PRKG1: variants seen among roughly 807,000 people sequenced by gnomAD.
The protein encoded by PRKG1 is cGMP-dependent protein kinase 1.
Under a neutral mutation model 88.1 loss-of-function variants are expected in PRKG1, and 35 were observed. The ratio of observed to expected loss-of-function variants is 0.40; its 90% CI spans 0.30 to 0.53. The LOEUF is 0.53. Ranked by LOEUF, PRKG1 falls within the 20% of genes least tolerant of loss-of-function variation. The pLI, the probability that PRKG1 is intolerant of heterozygous loss-of-function variation, is 0.59. For synonymous variants in PRKG1, 303 were observed against 292.5 expected, an observed-to-expected ratio of 1.04 and a Z score of -0.37; for missense variants, 540 against 839.8, an observed-to-expected ratio of 0.64 and a Z score of 4.41.
intron 3 of PRKG1, among the ~76,000 whole-genome samples, chr10:51,621,906 C>T (rs1019820942): frequency 1.3e-5 from 2 of 152,130 alleles, no homozygotes; most frequent in Non-Finnish European, 2.9e-5. Context: ...CTAGGTTAAA[C>T]TTGGACTCTT....
chr10:51,178,439 C>T (rs935508598), intron 2 of PRKG1, among the ~76,000 whole-genome samples: 1 of 152,084 alleles, frequency 6.6e-6, no homozygotes, highest in Admixed American at 6.6e-5. Flanking sequence ...AGGACTTAGA[C>T]CAGCCTGGAG....
At chr10:51,458,093 A>G (rs1479825425) in intron 2 of PRKG1, among the ~76,000 whole-genome samples, 1 of 152,198 alleles carries the variant, frequency 6.6e-6, no homozygotes, top group Non-Finnish European at 1.5e-5. Flanking sequence ...GTGCAGGTAG[A>G]TAAGTGCTTG....
chr10:51,035,304 A>G (rs1843339276), intron 1 of PRKG1, among the ~76,000 whole-genome samples: 4 of 152,230 alleles, frequency 2.6e-5, no homozygotes, highest in Non-Finnish European at 1.5e-5. Context: ...TCCACGTTGT[A>G]ACTAACAAAA....
At chr10:51,951,215 C>G (rs2133052925) in intron 5 of PRKG1, among the ~76,000 whole-genome samples, 1 of 152,300 alleles carries the variant, frequency 6.6e-6, no homozygotes, top group East Asian at 1.9e-4. Context: ...AGACCTGCCC[C>G]TATGTGCTTT....
intron 1 of PRKG1, among the ~76,000 whole-genome samples, chr10:51,003,039 T>C (rs1038562737): frequency 2.6e-5 from 4 of 152,258 alleles, no homozygotes; most frequent in East Asian, 1.9e-4. Context: ...ATAGAAATGC[T>C]CTCTGGGACA....
upstream of PRKG1, among the ~76,000 whole-genome samples, chr10:51,073,839 C>T (rs754726555): frequency 1.3e-5 from 2 of 152,150 alleles, no homozygotes; most frequent in Admixed American, 1.3e-4. Flanking sequence ...GCGTTAGCCA[C>T]CTGTGTGAGG....
chr10:52,099,310 T>C (rs1259300221), intron 7 of PRKG1, among the ~76,000 whole-genome samples: 1 of 152,190 alleles, frequency 6.6e-6, no homozygotes, highest in Non-Finnish European at 1.5e-5. Flanking sequence ...TAAACACTGC[T>C]CTTCCAAAGT....
intron 5 of PRKG1, among the ~76,000 whole-genome samples, chr10:52,031,559 C>T (rs890121812): frequency 2.6e-5 from 4 of 152,098 alleles, no homozygotes; most frequent in Non-Finnish European, 5.9e-5. Flanking sequence ...ATGCATTACA[C>T]TGTCATGAAT....
intron 3 of PRKG1, among the ~76,000 whole-genome samples, chr10:51,785,761 C>T (rs1838711616): frequency 6.6e-6 from 1 of 152,040 alleles, no homozygotes; most frequent in African/African-American, 2.4e-5. Flanking sequence ...TGGTCTCACG[C>T]CATGTTTAAA....
chr10:51,893,211 A>G (rs1841765130), intron 4 of PRKG1, among the ~76,000 whole-genome samples: 1 of 152,042 alleles, frequency 6.6e-6, no homozygotes, highest in Admixed American at 6.6e-5. Context: ...TGAGTTTTTT[A>G]GAAGGCTGCT....
intron 4 of PRKG1, among the ~76,000 whole-genome samples, chr10:51,841,593 C>A (rs894171961): frequency 5.3e-5 from 8 of 151,886 alleles, no homozygotes; most frequent in African/African-American, 1.7e-4. Context: ...TTTTCTTGTG[C>A]AGTTGAATTT....
chr10:52,060,911 C>A (rs1175091131), intron 6 of PRKG1, among the ~76,000 whole-genome samples: 1 of 151,868 alleles, frequency 6.6e-6, no homozygotes, highest in Non-Finnish European at 1.5e-5. Context: ...CTGGAAGCAA[C>A]CCACATTTAT....
At chr10:51,284,535 T>C (rs1356065822) in intron 2 of PRKG1, among the ~76,000 whole-genome samples, 8 of 152,258 alleles carry the variant, frequency 5.3e-5, no homozygotes, top group East Asian at 3.8e-4. Context: ...AATACATGTA[T>C]TGTCAATGCT....
intron 4 of PRKG1, among the ~76,000 whole-genome samples, chr10:51,852,228 TAC>T (rs1554848720): frequency 6.1e-5 from 9 of 148,560 alleles, no homozygotes; most frequent in Admixed American, 1.4e-4. Flanking sequence ...TATATATATA[TAC>T]ACACACACAC....
chr10:51,358,497 C>G (rs1307621799), intron 2 of PRKG1, among the ~76,000 whole-genome samples: 1 of 151,902 alleles, frequency 6.6e-6, no homozygotes, highest in Non-Finnish European at 1.5e-5. Flanking sequence ...ACTGGTGAAT[C>G]TGTCTTTAGA....
intron 3 of PRKG1, among the ~76,000 whole-genome samples, chr10:51,731,628 G>A (rs1308380740): frequency 5.3e-5 from 8 of 152,100 alleles, no homozygotes; most frequent in African/African-American, 1.9e-4. Context: ...AATAAGAATA[G>A]GTCAAGTTAA....
At chr10:52,091,930 C>G (rs1336397090) in intron 7 of PRKG1, among the ~76,000 whole-genome samples, 1 of 152,118 alleles carries the variant, frequency 6.6e-6, no homozygotes, top group African/African-American at 2.4e-5. Flanking sequence ...ATTTATTGTT[C>G]TGTATAAGGA....
chr10:51,460,485 T>C (rs1300626053), intron 2 of PRKG1, among the ~76,000 whole-genome samples: 1 of 152,176 alleles, frequency 6.6e-6, no homozygotes, highest in East Asian at 1.9e-4. Context: ...AAATTATATG[T>C]TCAGCTCTCG....
chr10:52,135,356 A>C (rs1165524828), intron 8 of PRKG1, among the ~76,000 whole-genome samples: 2 of 152,164 alleles, frequency 1.3e-5, no homozygotes, highest in Non-Finnish European at 2.9e-5. Flanking sequence ...GCATGCTGGC[A>C]CTGGTTCACT....
Sources: allele counts gnomAD v4.1 joint callset (sites outside exome capture counted in the v4.1 genomes callset), GRCh38; gene constraint gnomAD v4.1.1; transcripts MANE v1.5; gene names NCBI Gene and HGNC (gene_info 2026-07-23, HGNC 2026-07-21).